Variants in HADHA observed in about 807,000 individuals in gnomAD.
The protein encoded by HADHA is hydroxyacyl-CoA dehydrogenase trifunctional multienzyme complex subunit alpha.
Under a neutral mutation model 91.3 loss-of-function variants are expected in HADHA, and 59 were observed. That is an observed-to-expected ratio of 0.65 (90% CI 0.52 to 0.80). The LOEUF (loss-of-function observed/expected upper bound fraction) is 0.80, where lower values mean the gene tolerates loss of function less well. HADHA is among the 30% of genes least tolerant of loss of function. HADHA has a pLI of 0.00. For synonymous variants in HADHA, 320 were observed against 338.9 expected, an observed-to-expected ratio of 0.94 and a Z score of 0.61; for missense variants, 800 against 927.6, an observed-to-expected ratio of 0.86 and a Z score of 1.79.
At chr2:26,227,048 T>A (rs758144839) in intron 7 of HADHA, among the ~76,000 whole-genome samples, 6 of 152,184 alleles carry the variant, frequency 3.9e-5, no homozygotes, top group African/African-American at 7.2e-5. Flanking sequence ...ATATATTTGA[T>A]AAAGGACTCA....
At chr2:26,208,397 C>T (rs1670017215) in intron 11 of HADHA, among the ~76,000 whole-genome samples, 1 of 152,114 alleles carries the variant, frequency 6.6e-6, no homozygotes, top group African/African-American at 2.4e-5. Context: ...TGTATACTAC[C>T]TCCATACGAC....
chr2:26,215,031 G>T (rs369008687), intron 8 of HADHA, 22 bp downstream of exon 8: 1 of 1,595,500 alleles, frequency 6.3e-7, no homozygotes, highest in Non-Finnish European at 8.6e-7. Context: ...CTTTGCCTTT[G>T]TTCTTTAACA....
Position 26,197,763 on chromosome 2 carries a change from G to T in HADHA, c.1407C>A (p.His469Gln). The change falls in exon 14 of 20, where the codon CAC becomes CAA. Residue 469 changes from histidine to glutamine, a missense_variant. Coordinates refer to ENST00000380649, the MANE Select transcript of HADHA (RefSeq NM_000182.5). ...CAGATGTGTTACTGGCAAAGATACA[G>T]TGATCTGGAATCACCTGCAGGGGAA... ...LKEVEAVIPD[H>Q]CIFASNTSAL... 6.6e-7 allele frequency: 1 copy of T among 1,524,820 alleles called. No homozygotes were observed. Among genetic ancestry groups the T allele is most frequent in the Non-Finnish European group, 9.1e-7 (1 of 1,098,298 alleles). 94.5% of individuals were successfully genotyped at this position (1,524,820 alleles called of 1,614,324 possible). A position where few individuals can be genotyped will look rare whatever the true frequency, so the allele number is the denominator to read the frequency against.
Position 26,195,170 on chromosome 2 carries a change from G to T in HADHA, c.1542C>A (p.Thr514=), listed in dbSNP as rs374189575. The part of the protein sequence containing the change: ...DKMQLLEIIT[T]EKTSKDTSAS... ...CACTGGTGTCTTTGGAAGTTTTCTC[G>T]GTCGTGATAATCTCCAGCAGCTGCA... Residue 514 remains threonine, a synonymous_variant, in exon 15 of 20, where the codon ACC becomes ACA. Transcript: ENST00000380649. The T allele has an allele frequency of 6.2e-7, 1 of 1,611,332 alleles. No individual in the cohort carries two copies. Among genetic ancestry groups the T allele is most frequent in the South Asian group, 1.1e-5 (1 of 91,012 alleles).
chr2:26,198,664 A>AG (rs1470016871), intron 13 of HADHA, among the ~76,000 whole-genome samples: 2 of 151,606 alleles, frequency 1.3e-5, no homozygotes, highest in African/African-American at 4.9e-5. Flanking sequence ...TAAGATTTAA[A>AG]AAAAAAAGGA....
In HADHA at chr2:26,198,739, C is replaced by A. The variant is rs566492862; in HGVS notation, c.1393-962G>T. On this transcript the variant is annotated intron_variant, in intron 13 of 19. Coordinates refer to ENST00000380649, the MANE Select transcript of HADHA (RefSeq NM_000182.5). The stretch of plus-strand genomic sequence containing the variant: ...GCTTGGCAGTATTTGTGATAAAGAT[C>A]CCATGATTTTAGTTAATCAAGAGTG... Among the ~76,000 whole-genome samples the A allele has an allele frequency of 2.6e-5, 4 of 151,520 alleles. No individual in the cohort carries two copies. The South Asian group carries it at 8.3e-4, about 32-fold the overall frequency.
chr2:26,227,385 G>A (rs975473626), intron 7 of HADHA, among the ~76,000 whole-genome samples: 3 of 152,016 alleles, frequency 2.0e-5, no homozygotes, highest in African/African-American at 4.8e-5. Context: ...GGTGGTGGGC[G>A]CCTGTAGTCC....
At chr2:26,197,260 C>T (rs529486170) in intron 14 of HADHA, among the ~76,000 whole-genome samples, 4 of 152,236 alleles carry the variant, frequency 2.6e-5, no homozygotes, top group East Asian at 1.9e-4. Flanking sequence ...TTTCATGTCC[C>T]GGGGTAGAAG....
chr2:26,191,455 A>G (rs1192067917), intron 19 of HADHA, 28 bp downstream of exon 19: 1 of 1,614,154 alleles, frequency 6.2e-7, no homozygotes, highest in South Asian at 1.1e-5. Flanking sequence ...GGCTAAAGTG[A>G]GCTTCCTTCC....
At chr2:26,226,400 G>A (rs538158076) in intron 7 of HADHA, among the ~76,000 whole-genome samples, 1 of 152,124 alleles carries the variant, frequency 6.6e-6, no homozygotes, top group East Asian at 1.9e-4. Flanking sequence ...TGAGTTGGAG[G>A]ACTCATACTG....
intron 11 of HADHA, among the ~76,000 whole-genome samples, chr2:26,207,249 A>T (rs1669992464): frequency 6.6e-6 from 1 of 152,054 alleles, no homozygotes; most frequent in Non-Finnish European, 1.5e-5. Context: ...CCATAAACAC[A>T]AAAGAGTATC....
chr2:26,244,014 T>A (rs1043176828), intron 1 of HADHA, among the ~76,000 whole-genome samples: 1 of 152,210 alleles, frequency 6.6e-6, no homozygotes, highest in East Asian at 1.9e-4. Flanking sequence ...GCTCCCTACT[T>A]GATTGGGGTA....
In HADHA at chr2:26,229,661, T is replaced by A. The variant is rs1480504988; in HGVS notation, c.676+531A>T. The stretch of plus-strand genomic sequence containing the variant: ...TAAGAACCAAAAATAATGACTTGAC[T>A]GAATTCTGTACTCCTAATGTTCTAA... On this transcript the variant is annotated intron_variant, in intron 7 of 19. Coordinates refer to ENST00000380649, the MANE Select transcript of HADHA (RefSeq NM_000182.5). This position sits in a 1 kb window ranked among gnomAD's most constrained non-coding sequence, Gnocchi z 4.3. 1.3e-5 allele frequency among the ~76,000 whole-genome samples: 2 copies of A among 152,236 alleles called. No individual in the cohort carries two copies. The highest frequency in any genetic ancestry group is 4.8e-5 in the African/African-American group (2 of 41,462).
At chr2:26,223,706 C>T (rs1208951680) in intron 7 of HADHA, among the ~76,000 whole-genome samples, 1 of 152,086 alleles carries the variant, frequency 6.6e-6, no homozygotes, top group Non-Finnish European at 1.5e-5. Context: ...TCAGGTGCCT[C>T]TGCTGAGACC....
In HADHA at chr2:26,203,733, C is replaced by T. The variant is rs79319295; in HGVS notation, c.1220+329G>A. ...ATTACCTGCAAACTATATCAAAATC[C>T]GCAGGCCTGATACGAAAGTGTAAAA... On this transcript the variant is annotated intron_variant, in intron 12 of 19. Transcript: ENST00000380649. 4.9e-3 allele frequency among the ~76,000 whole-genome samples: 741 copies of T among 152,206 alleles called. 3 individuals carry two copies. The highest frequency in any genetic ancestry group is 0.017 in the African/African-American group (721 of 41,524).
Position 26,192,352 on chromosome 2 carries a change from T to C in HADHA, c.1958A>G (p.Asp653Gly), listed in dbSNP as rs1214955457. Residue 653 changes from aspartate to glycine, a missense_variant, in exon 18 of 20, where the codon GAT becomes GGT. Coordinates refer to ENST00000380649, the MANE Select transcript of HADHA (RefSeq NM_000182.5). ...CAGCTTCAGACTCGCTAAAATACTA[T>C]CCATGTCAGAATTCAAATCCTTCCT... ...VKRKDLNSDMDSILASLKLPP... is the reference protein window; with the variant it reads ...VKRKDLNSDMGSILASLKLPP... The C allele has an allele frequency of 3.1e-6, 5 of 1,609,294 alleles. No individual in the cohort carries two copies. In the Admixed American group the frequency reaches 8.3e-5, roughly 27 times the overall value.
In HADHA at chr2:26,214,073, CAAT is replaced by C. The variant is rs1670162231; in HGVS notation, c.918+367_918+369del. 6.6e-6 allele frequency among the ~76,000 whole-genome samples: 1 copy of C among 152,204 alleles called. No individual in the cohort carries two copies. The highest frequency in any genetic ancestry group is 1.5e-5 in the Non-Finnish European group (1 of 68,040). ...GTCCTTGAGGGATTTTAGGTACTGA[CAAT>C]GATGTTGACCAAGAATAGAACAGAG... On this transcript the variant is annotated intron_variant, in intron 9 of 19. Coordinates refer to ENST00000380649, the MANE Select transcript of HADHA (RefSeq NM_000182.5). This position sits in a 1 kb window ranked among gnomAD's most constrained non-coding sequence, Gnocchi z 4.1.
chr2:26,214,457 G>C lies in HADHA; in HGVS notation c.904C>G (p.Leu302Val). The C allele has an allele frequency of 6.6e-7, 1 of 1,509,768 alleles. No homozygotes were observed. Among genetic ancestry groups the C allele is most frequent in the Non-Finnish European group, 9.2e-7 (1 of 1,086,696 alleles). 93.5% of individuals were successfully genotyped at this position (1,509,768 alleles called of 1,614,324 possible). Residue 302 changes from leucine (L) to valine (V), a missense_variant, in exon 9 of 20, where the codon CTG (leucine) becomes GTG (valine). Coordinates refer to ENST00000380649, the MANE Select transcript of HADHA (RefSeq NM_000182.5). The surrounding 1 kb of genome is among the most constrained non-coding windows in gnomAD (Gnocchi z 4.1). The part of the protein sequence containing the change: ...KQTKGLYPAP[L>V]KIIDVVKTGI... The stretch of plus-strand genomic sequence containing the variant: ...GTAAGACTCACATCAATTATTTTCA[G>C]AGGTGCAGGATAAAGGCCTTTAGTC...
intron 7 of HADHA, among the ~76,000 whole-genome samples, chr2:26,218,944 T>C (rs1305925616): frequency 6.9e-6 from 1 of 145,678 alleles, no homozygotes; most frequent in Admixed American, 6.9e-5. Context: ...GAGGCAGAGA[T>C]TGCAGTGAGT....
Sources: allele counts gnomAD v4.1 joint callset (sites outside exome capture counted in the v4.1 genomes callset), GRCh38; gene constraint gnomAD v4.1.1; non-coding constraint Gnocchi (gnomAD v3.1); transcripts MANE v1.5; gene names NCBI Gene and HGNC (gene_info 2026-07-23, HGNC 2026-07-21).